Variants in YPEL5 observed in about 807,000 individuals in gnomAD.
YPEL5 encodes protein yippee-like 5.
YPEL5 carries 1 observed loss-of-function variant against 10.5 expected under a neutral mutation model. That is an observed-to-expected ratio of 0.10 (90% confidence interval 0.03 to 0.45). YPEL5 has a LOEUF of 0.45. Among genes scored for constraint, YPEL5 ranks in the 20% least tolerant of loss-of-function variants. The pLI is 0.97. For missense variants in YPEL5, 68 were observed against 159.3 expected (o/e 0.43, Z 3.09); for synonymous variants, 61 against 56.6 (o/e 1.08, Z -0.35).
chr2:30,151,048 A>C (rs2103508641), intron 1 of YPEL5, among the ~76,000 whole-genome samples: 1 of 152,332 alleles, frequency 6.6e-6, no homozygotes, highest in Non-Finnish European at 1.5e-5. Flanking sequence ...ACAGGTGGCG[A>C]GCTGAATTGA....
intron 2 of YPEL5, among the ~76,000 whole-genome samples, chr2:30,158,326 C>T (rs1200941926): frequency 6.6e-6 from 1 of 152,124 alleles, no homozygotes; most frequent in Non-Finnish European, 1.5e-5. Flanking sequence ...GCTCCAATTC[C>T]AGGACTTTTT....
intron 1 of YPEL5, among the ~76,000 whole-genome samples, chr2:30,153,094 G>A (rs998074916): frequency 2.0e-5 from 3 of 151,968 alleles, no homozygotes; most frequent in African/African-American, 7.3e-5. Context: ...GTAGAGACGG[G>A]GTTTCACAGT....
intron 1 of YPEL5, among the ~76,000 whole-genome samples, chr2:30,153,363 C>A (rs528199906): frequency 2.6e-5 from 4 of 152,198 alleles, no homozygotes; most frequent in Non-Finnish European, 5.9e-5. Flanking sequence ...CTTTTAGCTT[C>A]GTCCTCACAT....
At chr2:30,153,017 C>T (rs1415854780) in intron 1 of YPEL5, among the ~76,000 whole-genome samples, 2 of 151,866 alleles carry the variant, frequency 1.3e-5, no homozygotes, top group Non-Finnish European at 2.9e-5. Flanking sequence ...TCTCCTGCCT[C>T]AGCCTCCTGA....
At position 30,156,360 on chromosome 2, in the gene YPEL5, G is replaced by T. The variant is rs1188179373; in HGVS notation, c.-24-268G>T. On this transcript the variant is annotated intron_variant, in intron 1 of 2. Coordinates refer to ENST00000261353, the MANE Select transcript of YPEL5 (RefSeq NM_016061.3). ...TTTTCTTTTTCCACACCAGCCATAA[G>T]AGAAGTGACACTATTCTTTGGCCTT... is the stretch of plus-strand genomic sequence containing the variant. 13 of 307,458 alleles carry T rather than the reference G, an allele frequency of 4.2e-5. No homozygotes were observed. In the South Asian group the frequency reaches 9.5e-4, roughly 22 times the overall value. The allele number at this position is 307,458 out of a possible 1,614,324, so 19.0% of individuals were successfully genotyped here. A position where few individuals can be genotyped will look rare whatever the true frequency, so the allele number is the denominator to read the frequency against.
intron 1 of YPEL5, chr2:30,147,868 T>A: frequency 6.5e-6 from 1 of 154,196 alleles, no homozygotes; most frequent in Non-Finnish European, 1.4e-5. Context: ...GCCGCCGCGC[T>A]CTGCCGCCCC....
chr2:30,156,111 T>TG (rs1248663241), intron 1 of YPEL5, among the ~76,000 whole-genome samples: 3 of 152,228 alleles, frequency 2.0e-5, no homozygotes, highest in African/African-American at 7.2e-5. Context: ...TAGTTGTAGA[T>TG]GCACCTGGTG....
intron 1 of YPEL5, among the ~76,000 whole-genome samples, chr2:30,153,883 T>C (rs905043088): frequency 3.9e-5 from 6 of 152,086 alleles, no homozygotes; most frequent in Non-Finnish European, 7.4e-5. Flanking sequence ...AAAAAATAGA[T>C]GGAATCAGGG....
rs1162026382 is a variant in YPEL5 at position 30,156,748 on chromosome 2, A to G, written c.97A>G (p.Thr33Ala). ...GACCAACCGCTCAGAACTCATCTCC[A>G]CTCGTTTCACAGGCGCCACTGGCAG... ...ILTNRSELIS[T>A]RFTGATGRAF... The change falls in exon 2 of 3, where the codon ACT becomes GCT. Residue 33 changes from threonine (T) to alanine (A), a missense_variant. Thr to Ala is a moderately conservative substitution (Grantham distance 58). Around this residue, in one of 2 missense-constraint regions of YPEL5, gnomAD observed 48 missense variants for 138.4 expected, o/e 0.35. Transcript: ENST00000261353. 10 of 1,613,732 alleles carry G rather than the reference A, an allele frequency of 6.2e-6. No homozygotes were observed. The highest frequency in any genetic ancestry group is 8.5e-6 in the Non-Finnish European group (10 of 1,179,946).
chr2:30,155,240 CATTAT>C (rs1333762131), intron 1 of YPEL5, among the ~76,000 whole-genome samples: 2 of 152,186 alleles, frequency 1.3e-5, no homozygotes, highest in Non-Finnish European at 2.9e-5. Flanking sequence ...TGCACATTGT[CATTAT>C]ATTCACCATT....
chr2:30,151,134 TGATA>T (rs779032061), intron 1 of YPEL5, among the ~76,000 whole-genome samples: 15 of 152,190 alleles, frequency 9.9e-5, no homozygotes, highest in Non-Finnish European at 2.2e-4. Context: ...GTATTTCGCT[TGATA>T]GTGTATGTGT....
At chr2:30,151,907 G>T (rs1267085619) in intron 1 of YPEL5, among the ~76,000 whole-genome samples, 2 of 152,314 alleles carry the variant, frequency 1.3e-5, no homozygotes, top group Non-Finnish European at 1.5e-5. Context: ...CAAGCAAGGT[G>T]ATTAGCATAC....
chr2:30,156,688 C>T lies in YPEL5; in HGVS notation c.37C>T (p.Arg13Cys). The change falls in exon 2 of 3, where the codon CGT becomes TGT. Residue 13 changes from arginine to cysteine, a missense_variant. Physicochemically the swap from Arg to Cys is radical, Grantham distance 180. Around this residue, in one of 2 missense-constraint regions of YPEL5, gnomAD observed 48 missense variants for 138.4 expected, o/e 0.35. Coordinates refer to ENST00000261353, the MANE Select transcript of YPEL5 (RefSeq NM_016061.3). ...TTTCCTTGATCATATCGGTGGTACC[C>T]GTCTGTTTTCTTGTGCAAACTGTGA... is the stretch of plus-strand genomic sequence containing the variant. ...RIFLDHIGGT[R>C]LFSCANCDTI... 1.2e-6 allele frequency: 2 copies of T among 1,614,112 alleles called. No individual in the cohort carries two copies. Among genetic ancestry groups the T allele is most frequent in the Non-Finnish European group, 1.7e-6 (2 of 1,180,006 alleles).
chr2:30,152,701 T>C (rs1675855187), intron 1 of YPEL5, among the ~76,000 whole-genome samples: 1 of 152,116 alleles, frequency 6.6e-6, no homozygotes, highest in Non-Finnish European at 1.5e-5. Flanking sequence ...AAAAGTGAGG[T>C]GATAAATACC....
chr2:30,154,888 G>A lies in YPEL5; in HGVS notation c.-24-1740G>A, dbSNP rs377100411. The stretch of plus-strand genomic sequence containing the variant: ...CGAGTAGCTGAGACTACAGGCGTGC[G>A]CCACCACGTCTGACTAATTTTTGTA... On this transcript the variant is annotated intron_variant, in intron 1 of 2. Transcript: ENST00000261353. Among the ~76,000 whole-genome samples, 24 of 152,194 alleles carry A rather than the reference G, an allele frequency of 1.6e-4. No homozygotes were observed. In the Middle Eastern group the frequency reaches 0.014, roughly 86 times the overall value.
chr2:30,154,409 C>G (rs956894141), intron 1 of YPEL5, among the ~76,000 whole-genome samples: 1 of 152,180 alleles, frequency 6.6e-6, no homozygotes, highest in Non-Finnish European at 1.5e-5. Flanking sequence ...AAAGTGGAGA[C>G]TGAGCAAATA....
At chr2:30,156,605 T>C (rs775920796) in intron 1 of YPEL5, 23 bp from the exon 2 acceptor site, 1 of 1,609,432 alleles carries the variant, frequency 6.2e-7, no homozygotes, top group Non-Finnish European at 8.5e-7. Flanking sequence ...ATGCATTTGT[T>C]ATCCTTTTCT....
At chr2:30,154,930 G>T (rs1675971585) in intron 1 of YPEL5, among the ~76,000 whole-genome samples, 1 of 152,062 alleles carries the variant, frequency 6.6e-6, no homozygotes, top group African/African-American at 2.4e-5. Context: ...ATAGAGACAG[G>T]GTTTCACCAT....
chr2:30,148,842 C>T (rs1453979525), intron 1 of YPEL5, among the ~76,000 whole-genome samples: 1 of 152,206 alleles, frequency 6.6e-6, no homozygotes, highest in Non-Finnish European at 1.5e-5. Context: ...CTCTGAAAAA[C>T]AGTCCACGAG....
Sources: gnomAD v4.1 joint callset for allele counts (sites outside exome capture counted in the v4.1 genomes callset) on GRCh38, gnomAD v4.1.1 for gene constraint, gnomAD v4.1.1 regional missense constraint, MANE v1.5 for transcripts, NCBI Gene and HGNC (gene_info 2026-07-23, HGNC 2026-07-21) for gene names.